Variants in FOXK2 observed in about 807,000 individuals in gnomAD.
FOXK2 encodes forkhead box K2.
A neutral mutation model predicts 53.3 loss-of-function variants in FOXK2; 24 were observed. The ratio of observed to expected loss-of-function variants is 0.45; its 90% CI spans 0.33 to 0.63. The LOEUF (loss-of-function observed/expected upper bound fraction) is 0.63. Among genes scored for constraint, FOXK2 ranks in the 30% least tolerant of loss-of-function variants. The probability of loss-of-function intolerance (pLI) is 0.03; values close to 1 mark genes in which losing one functional copy is unlikely to be tolerated. For synonymous variants in FOXK2, 505 were observed against 407.1 expected (o/e 1.24, Z -2.89); for missense variants, 952 against 910.5 (o/e 1.05, Z -0.59).
At chr17:82,579,679 C>T (rs557604595) in intron 4 of FOXK2, among the ~76,000 whole-genome samples, 2 of 71,834 alleles carry the variant, frequency 2.8e-5, no homozygotes, top group Admixed American at 2.7e-4. Flanking sequence ...CCATGTCACC[C>T]ATGAAGTAGC....
chr17:82,585,973 T>C lies in FOXK2; in HGVS notation c.1349T>C (p.Val450Ala). The stretch of plus-strand genomic sequence containing the variant: ...CAGCTACCACAGGCCATCAAGCCTG[T>C]CACCTACACTGTGGCCACCCCAGTG... ...QRQLPQAIKP[V>A]TYTVATPVTT... Residue 450 changes from valine (V) to alanine (A), a missense_variant, in exon 7 of 9, where the codon GTC becomes GCC. Coordinates refer to ENST00000335255, the MANE Select transcript of FOXK2 (RefSeq NM_004514.4). The C allele has an allele frequency of 6.2e-7, 1 of 1,612,760 alleles. No homozygotes were observed. Among genetic ancestry groups the C allele is most frequent in the South Asian group, 1.1e-5 (1 of 91,080 alleles).
chr17:82,551,135 G>A (rs2044672931), intron 1 of FOXK2, among the ~76,000 whole-genome samples: 2 of 151,242 alleles, frequency 1.3e-5, no homozygotes, highest in South Asian at 2.1e-4. Context: ...GGCTAACACG[G>A]TGAAACCCCG....
rs1384418995 is a variant in FOXK2, at chr17:82,519,807, G to A, written c.-82G>A. Reference sequence around the variant, plus strand: ...CCCTCCCTCAGCTCCGGTGCGCGGCGGCCGACGACCCGCGCGGCCTGGGCC... The same window carrying A: ...CCCTCCCTCAGCTCCGGTGCGCGGCAGCCGACGACCCGCGCGGCCTGGGCC... On this transcript the variant is annotated 5_prime_UTR_variant, in exon 1 of 9. Coordinates refer to ENST00000335255, the MANE Select transcript of FOXK2 (RefSeq NM_004514.4). 5 of 457,740 alleles carry A rather than the reference G, an allele frequency of 1.1e-5. No homozygotes were observed. The highest frequency in any genetic ancestry group is 2.2e-5 in the African/African-American group (1 of 46,458). The allele number at this position is 457,740 out of a possible 1,614,324, so 28.4% of individuals were successfully genotyped here. A position where few individuals can be genotyped will look rare whatever the true frequency, so the allele number is the denominator to read the frequency against.
At position 82,601,695 on chromosome 17, in the gene FOXK2, CTGATTTGGGAGACGG is replaced by C. The variant is rs1286573614; in HGVS notation, c.*199_*213del. 3 of 541,702 alleles carry C rather than the reference CTGATTTGGGAGACGG, an allele frequency of 5.5e-6. No individual in the cohort carries two copies. The highest frequency in any genetic ancestry group is 9.8e-6 in the Non-Finnish European group (3 of 306,496). 33.6% of individuals were successfully genotyped at this position (541,702 alleles called of 1,614,324 possible). On this transcript the variant is annotated 3_prime_UTR_variant, in exon 9 of 9. Transcript: ENST00000335255. Reference sequence around the variant, plus strand: ...GAACAAAACCCACACACAACAAAACCTGATTTGGGAGACGGTGTCTCCACTGAGCACCTGCTGGGC... The same window carrying C: ...GAACAAAACCCACACACAACAAAACCTGTCTCCACTGAGCACCTGCTGGGC...
intron 5 of FOXK2, among the ~76,000 whole-genome samples, chr17:82,583,714 G>A (rs1214763283): frequency 1.3e-5 from 2 of 152,128 alleles, no homozygotes; most frequent in Admixed American, 1.3e-4. Flanking sequence ...GCTCGCTGCC[G>A]GCTCCACCGT....
At chr17:82,582,985 C>T (rs1209972042) in intron 5 of FOXK2, 51 bp downstream of exon 5, 3 of 1,325,190 alleles carry the variant, frequency 2.3e-6, no homozygotes, top group Non-Finnish European at 3.0e-6. Flanking sequence ...CTAAACTTAC[C>T]TTCAGTGTAT....
chr17:82,547,190 T>C (rs1330763837), intron 1 of FOXK2, among the ~76,000 whole-genome samples: 3 of 152,158 alleles, frequency 2.0e-5, no homozygotes, highest in Non-Finnish European at 2.9e-5. Context: ...TCATACTCCC[T>C]GTGTTTAGAA....
At chr17:82,579,134 G>A (rs9895615) in intron 4 of FOXK2, among the ~76,000 whole-genome samples, 18,798 of 152,118 alleles carry the variant, frequency 0.12, 1,619 homozygotes, top group African/African-American at 0.24. Flanking sequence ...GCAGTGGCTG[G>A]GATTGCCATT....
intron 4 of FOXK2, chr17:82,577,365 C>T (rs1277537098): frequency 3.2e-6 from 2 of 621,378 alleles, no homozygotes; most frequent in Non-Finnish European, 5.8e-6. Flanking sequence ...AAAGACAGCA[C>T]AAAGCTCTCT....
chr17:82,529,836 T>G (rs1463571365), intron 1 of FOXK2, among the ~76,000 whole-genome samples: 1 of 152,234 alleles, frequency 6.6e-6, no homozygotes, highest in Non-Finnish European at 1.5e-5. Flanking sequence ...CTAGGTCCCT[T>G]AAGGCAGTAG....
At chr17:82,540,365 A>T (rs188655334) in intron 1 of FOXK2, among the ~76,000 whole-genome samples, 10 of 152,094 alleles carry the variant, frequency 6.6e-5, no homozygotes, top group Admixed American at 6.5e-4. Flanking sequence ...TTTGGTGTTA[A>T]TGACTTTCAC....
At chr17:82,551,540 G>A (rs929729885) in intron 1 of FOXK2, among the ~76,000 whole-genome samples, 1 of 152,058 alleles carries the variant, frequency 6.6e-6, no homozygotes, top group African/African-American at 2.4e-5. Context: ...AATTAGCCAG[G>A]TGTGGGGACA....
chr17:82,548,402 G>T (rs1274620645), intron 1 of FOXK2, among the ~76,000 whole-genome samples: 2 of 151,904 alleles, frequency 1.3e-5, no homozygotes, highest in Admixed American at 1.3e-4. Context: ...GGTTTAATTT[G>T]CCTTGCTGTT....
chr17:82,560,001 C>CT (rs10583366), intron 1 of FOXK2, among the ~76,000 whole-genome samples: 5,690 of 97,482 alleles, frequency 0.058, 235 homozygotes, highest in Non-Finnish European at 0.068. Flanking sequence ...TCTGGATAGA[C>CT]TTTTTTTTTT....
intron 5 of FOXK2, 48 bp downstream of exon 5, chr17:82,582,982 T>C: frequency 7.4e-7 from 1 of 1,348,800 alleles, no homozygotes; most frequent in East Asian, 2.6e-5. Flanking sequence ...TTACTAAACT[T>C]ACCTTCAGTG....
intron 3 of FOXK2, among the ~76,000 whole-genome samples, chr17:82,569,923 T>TA (rs796322217): frequency 1.5e-4 from 15 of 102,106 alleles, no homozygotes; most frequent in Non-Finnish European, 2.6e-4. Flanking sequence ...TTTTTCTGTT[T>TA]AAAAAAAAAA....
chr17:82,586,114 C>A lies in FOXK2; in HGVS notation c.1490C>A (p.Ser497Tyr). ...GLAPANTYTV[S>Y]GQAVVTPAAV... ...GCCCCAGCGAACACGTACACTGTCT[C>A]TGGACAAGCTGTGGTCACCCCGGCA... The change falls in exon 7 of 9, where the codon TCT (serine) becomes TAT (tyrosine). Residue 497 changes from serine (S) to tyrosine (Y), a missense_variant. Physicochemically the swap from Ser to Tyr is moderately radical, Grantham distance 144. Around this residue, in one of 5 missense-constraint regions of FOXK2, gnomAD observed 551 missense variants for 385.1 expected, o/e 1.43. Transcript: ENST00000335255. The A allele has an allele frequency of 1.2e-6, 2 of 1,612,670 alleles. No individual in the cohort carries two copies. Among genetic ancestry groups the A allele is most frequent in the Non-Finnish European group, 1.7e-6 (2 of 1,179,928 alleles).
Position 82,587,285 on chromosome 17 carries a change from G to C in FOXK2, c.1786+13G>C, listed in dbSNP as rs182437233. On this transcript the variant is annotated intron_variant, in intron 8 of 8. Transcript: ENST00000335255. ...CAGGTGAACAATGGTAAGACATGCT[G>C]GTCGGTGGCTCCCCGTGGCTGTGGG... is the stretch of plus-strand genomic sequence containing the variant. 6.2e-7 allele frequency: 1 copy of C among 1,605,556 alleles called. No individual in the cohort carries two copies. The highest frequency in any genetic ancestry group is 2.3e-5 in the East Asian group (1 of 44,300).
chr17:82,579,256 G>A (rs1350945864), intron 4 of FOXK2, among the ~76,000 whole-genome samples: 1 of 152,214 alleles, frequency 6.6e-6, no homozygotes, highest in Non-Finnish European at 1.5e-5. Flanking sequence ...AGTTGGCAAA[G>A]CTTTGCCTTC....
Sources: allele counts gnomAD v4.1 joint callset (sites outside exome capture counted in the v4.1 genomes callset), GRCh38; gene constraint gnomAD v4.1.1; regional missense constraint gnomAD v4.1.1; transcripts MANE v1.5; gene names NCBI Gene and HGNC (gene_info 2026-07-23, HGNC 2026-07-21).